Variants in FHIT observed in about 807,000 individuals in gnomAD.
FHIT encodes the protein bis(5'-adenosyl)-triphosphatase.
A neutral mutation model predicts 17.9 loss-of-function variants in FHIT; 19 were observed. The observed-to-expected ratio is 1.06, with a 90% confidence interval of 0.74 to 1.56. FHIT has a LOEUF of 1.56. Among genes scored for constraint, FHIT ranks in the 40% most tolerant of loss-of-function variants. The pLI is 0.00. For synonymous variants in FHIT, 81 were observed against 69.7 expected (o/e 1.16, Z -0.81); for missense variants, 248 against 189.2 (o/e 1.31, Z -1.82).
intron 3 of FHIT, among the ~76,000 whole-genome samples, chr3:60,955,321 G>T (rs1553778359): frequency 6.6e-6 from 1 of 152,092 alleles, no homozygotes; most frequent in African/African-American, 2.4e-5. Context: ...ACTACATACA[G>T]CAGTGCTTTC....
intron 5 of FHIT, among the ~76,000 whole-genome samples, chr3:60,096,404 G>A (rs1703951137): frequency 6.6e-6 from 1 of 152,104 alleles, no homozygotes. Context: ...ACATTAGATT[G>A]GTTCAACGGC....
At chr3:60,274,007 A>G (rs1400282721) in intron 5 of FHIT, among the ~76,000 whole-genome samples, 1 of 152,164 alleles carries the variant, frequency 6.6e-6, no homozygotes, top group East Asian at 1.9e-4. Flanking sequence ...AACTATGACA[A>G]ATTACATTTT....
intron 8 of FHIT, among the ~76,000 whole-genome samples, chr3:59,914,968 C>T (rs1439427227): frequency 6.6e-6 from 1 of 152,182 alleles, no homozygotes; most frequent in Non-Finnish European, 1.5e-5. Context: ...TTATTAATAG[C>T]TATGTCAAGA....
chr3:60,855,432 T>C (rs1184471056), intron 3 of FHIT, among the ~76,000 whole-genome samples: 1 of 152,124 alleles, frequency 6.6e-6, no homozygotes, highest in Non-Finnish European at 1.5e-5. Flanking sequence ...GTTAACGCTT[T>C]GTGCTTAGAG....
intron 5 of FHIT, among the ~76,000 whole-genome samples, chr3:60,380,078 G>T (rs993786625): frequency 2.6e-5 from 4 of 152,126 alleles, no homozygotes; most frequent in Non-Finnish European, 4.4e-5. Flanking sequence ...ATCCTAAAAG[G>T]TAAGTGCTGA....
intron 8 of FHIT, among the ~76,000 whole-genome samples, chr3:59,874,498 A>C (rs1703064092): frequency 6.6e-6 from 1 of 152,084 alleles, no homozygotes; most frequent in Non-Finnish European, 1.5e-5. Context: ...TTGCATTTCC[A>C]AGTTCCCAGG....
intron 4 of FHIT, among the ~76,000 whole-genome samples, chr3:60,801,553 C>T (rs1284701878): frequency 1.3e-5 from 2 of 152,224 alleles, no homozygotes; most frequent in East Asian, 1.9e-4. Flanking sequence ...TTCTCATTGG[C>T]TCATCTTAGG....
At chr3:60,484,145 G>C (rs1161100280) in intron 5 of FHIT, among the ~76,000 whole-genome samples, 2 of 152,098 alleles carry the variant, frequency 1.3e-5, no homozygotes, top group African/African-American at 4.8e-5. Context: ...TCTTCAAGGA[G>C]AACTACAAAC....
chr3:60,321,412 T>C (rs576053367), intron 5 of FHIT, among the ~76,000 whole-genome samples: 60 of 152,178 alleles, frequency 3.9e-4, no homozygotes, highest in African/African-American at 1.4e-3. Context: ...GGAGGTCAAG[T>C]CTGCAGAGAG....
intron 5 of FHIT, among the ~76,000 whole-genome samples, chr3:60,263,515 T>C (rs1706405917): frequency 2.6e-5 from 4 of 151,926 alleles, no homozygotes; most frequent in African/African-American, 9.7e-5. Flanking sequence ...TGAAAAGGAA[T>C]GAACTGTTGA....
chr3:60,796,833 C>T (rs1478409309), intron 4 of FHIT, among the ~76,000 whole-genome samples: 3 of 152,174 alleles, frequency 2.0e-5, no homozygotes, highest in African/African-American at 7.2e-5. Context: ...CTGCCCACCT[C>T]GGCCTCCCAG....
At chr3:60,489,105 T>C (rs2033960961) in intron 5 of FHIT, among the ~76,000 whole-genome samples, 2 of 152,304 alleles carry the variant, frequency 1.3e-5, no homozygotes, top group South Asian at 2.1e-4. Flanking sequence ...ATTTAATAAA[T>C]AGCATTCATT....
At chr3:59,990,418 T>C (rs1443057329) in intron 7 of FHIT, among the ~76,000 whole-genome samples, 1 of 152,052 alleles carries the variant, frequency 6.6e-6, no homozygotes, top group Non-Finnish European at 1.5e-5. Flanking sequence ...AACATGAATC[T>C]TAAAAATACA....
chr3:60,367,770 A>G (rs945363353), intron 5 of FHIT, among the ~76,000 whole-genome samples: 2 of 152,210 alleles, frequency 1.3e-5, no homozygotes, highest in Admixed American at 6.5e-5. Flanking sequence ...TAATCAAGTT[A>G]TCGAATATTT....
At chr3:60,510,266 C>A (rs1413542931) in intron 5 of FHIT, among the ~76,000 whole-genome samples, 3 of 152,208 alleles carry the variant, frequency 2.0e-5, no homozygotes, top group Non-Finnish European at 2.9e-5. Flanking sequence ...TGATGGGTAA[C>A]AGCTGCACTT....
intron 5 of FHIT, among the ~76,000 whole-genome samples, chr3:60,188,544 A>G (rs1702263455): frequency 6.6e-6 from 1 of 152,128 alleles, no homozygotes; most frequent in African/African-American, 2.4e-5. Context: ...GAGTAGTGAA[A>G]GCTTTGGACA....
intron 5 of FHIT, among the ~76,000 whole-genome samples, chr3:60,319,387 A>G (rs186154): frequency 0.32 from 48,894 of 151,752 alleles, 8,893 homozygotes; most frequent in East Asian, 0.78. Flanking sequence ...AGTTCTGATC[A>G]ATATGTATAA....
At chr3:60,847,134 T>C (rs534092542) in intron 3 of FHIT, among the ~76,000 whole-genome samples, 3 of 152,316 alleles carry the variant, frequency 2.0e-5, no homozygotes, top group African/African-American at 4.8e-5. Context: ...GATAACCTTA[T>C]TTCATAAGCA....
chr3:60,025,933 A>G (rs978168975), intron 5 of FHIT, among the ~76,000 whole-genome samples: 2 of 152,202 alleles, frequency 1.3e-5, no homozygotes, highest in African/African-American at 4.8e-5. Context: ...GTACTGCCAG[A>G]GTGTCAAGAA....
Sources: allele counts gnomAD v4.1 joint callset (sites outside exome capture counted in the v4.1 genomes callset), GRCh38; gene constraint gnomAD v4.1.1; transcripts MANE v1.5; gene names NCBI Gene and HGNC (gene_info 2026-07-23, HGNC 2026-07-21).